The following SUPT3H variants were observed in gnomAD, a reference collection of about 807,000 sequenced individuals.
SUPT3H encodes the protein transcription initiation protein SPT3 homolog.
In SUPT3H, 44 loss-of-function variants were observed where a neutral mutation model predicts 44.3. The ratio of observed to expected loss-of-function variants is 0.99; its 90% CI spans 0.78 to 1.28. SUPT3H has a LOEUF of 1.28. SUPT3H is among the 50% of genes most tolerant of loss of function. SUPT3H has a pLI of 0.00. For synonymous variants in SUPT3H, 124 were observed against 125.6 expected (o/e 0.99, Z 0.09); for missense variants, 380 against 387.1 (o/e 0.98, Z 0.15).
chr6:44,863,833 C>T lies in SUPT3H; in HGVS notation c.913-33976G>A, dbSNP rs1775054534. Among the ~76,000 whole-genome samples, 3 of 151,990 alleles carry T rather than the reference C, an allele frequency of 2.0e-5. No homozygotes were observed. In the South Asian group the frequency reaches 6.2e-4, roughly 32 times the overall value. On this transcript the variant is annotated intron_variant, in intron 10 of 10. Transcript: ENST00000371459. ...GAGTCACGTCTCACATCGCAGCAGG[C>T]AAGAGAGAGAATAAGAGTCAAGTGG...
intron 10 of SUPT3H, among the ~76,000 whole-genome samples, chr6:44,834,047 T>C (rs1213362089): frequency 6.6e-6 from 1 of 152,140 alleles, no homozygotes; most frequent in Non-Finnish European, 1.5e-5. Flanking sequence ...CCCAAATCAC[T>C]TGGGGAGCTT....
At chr6:44,958,834 C>T (rs606553) in intron 7 of SUPT3H, among the ~76,000 whole-genome samples, 10,121 of 144,378 alleles carry the variant, frequency 0.07, 1,172 homozygotes, top group African/African-American at 0.24. Context: ...GAAAAAATGA[C>T]ATTAGGCCAA....
chr6:45,003,598 C>T, intron 6 of SUPT3H, 55 bp downstream of exon 6: 3 of 1,583,312 alleles, frequency 1.9e-6, no homozygotes, highest in South Asian at 2.3e-5. Flanking sequence ...GACCAAACAG[C>T]ATAGGCACTG....
At chr6:44,848,754 T>C (rs1471979608) in intron 10 of SUPT3H, among the ~76,000 whole-genome samples, 1 of 152,176 alleles carries the variant, frequency 6.6e-6, no homozygotes, top group African/African-American at 2.4e-5. Flanking sequence ...GCAGGGGGGA[T>C]TACTATGCCC....
intron 2 of SUPT3H, among the ~76,000 whole-genome samples, chr6:45,264,151 CTTAT>C (rs1303849982): frequency 6.6e-6 from 1 of 152,104 alleles, no homozygotes; most frequent in African/African-American, 2.4e-5. Flanking sequence ...AATGAAAACA[CTTAT>C]TTTTTAAAAA....
intron 10 of SUPT3H, among the ~76,000 whole-genome samples, chr6:44,928,894 A>T (rs796082645): frequency 0.017 from 2,293 of 135,848 alleles, 249 homozygotes; most frequent in South Asian, 0.098. Context: ...AAAAAAAAAA[A>T]AAAAAAAAAA....
intron 2 of SUPT3H, among the ~76,000 whole-genome samples, chr6:45,122,299 A>C (rs1338383352): frequency 6.6e-6 from 1 of 152,160 alleles, no homozygotes; most frequent in Non-Finnish European, 1.5e-5. Flanking sequence ...AATAATCCAT[A>C]ACAAAAAAAT....
At chr6:44,944,762 CA>C (rs57506313) in intron 9 of SUPT3H, among the ~76,000 whole-genome samples, 752 of 29,732 alleles carry the variant, frequency 0.025, 7 homozygotes, top group South Asian at 0.1. Context: ...ACCCTCTCTC[CA>C]AAAAAAAAAA....
At chr6:44,831,431 A>ATAAC (rs550456327) in intron 10 of SUPT3H, among the ~76,000 whole-genome samples, 116 of 152,300 alleles carry the variant, frequency 7.6e-4, no homozygotes, top group Non-Finnish European at 1.3e-3. Context: ...AGAGCCACAA[A>ATAAC]TAACTTGCAG....
intron 10 of SUPT3H, among the ~76,000 whole-genome samples, chr6:44,902,022 A>G (rs906326792): frequency 2.0e-4 from 31 of 152,302 alleles, no homozygotes; most frequent in Non-Finnish European, 4.0e-4. Flanking sequence ...TCCTGAAGGA[A>G]GCACTAAACA....
chr6:45,130,170 T>TATTCCCC (rs1299616572), intron 2 of SUPT3H, among the ~76,000 whole-genome samples: 1 of 152,182 alleles, frequency 6.6e-6, no homozygotes, highest in East Asian at 1.9e-4. Flanking sequence ...CATTAGCAGT[T>TATTCCCC]ATTCCCCATT....
intron 3 of SUPT3H, among the ~76,000 whole-genome samples, chr6:45,028,856 C>T (rs1346309615): frequency 7.9e-6 from 1 of 126,152 alleles, no homozygotes; most frequent in Non-Finnish European, 1.6e-5. Context: ...TGTTTATTTG[C>T]CTTTCAAAAC....
intron 2 of SUPT3H, among the ~76,000 whole-genome samples, chr6:45,236,965 G>A (rs1769285532): frequency 6.6e-6 from 1 of 152,128 alleles, no homozygotes; most frequent in Non-Finnish European, 1.5e-5. Flanking sequence ...AGTACAAACA[G>A]GAGTCATTGA....
chr6:45,295,323 T>C (rs894929939), intron 2 of SUPT3H, among the ~76,000 whole-genome samples: 1 of 151,992 alleles, frequency 6.6e-6, no homozygotes, highest in Non-Finnish European at 1.5e-5. Flanking sequence ...CATCTCTCTC[T>C]GTATACAAAA....
intron 10 of SUPT3H, among the ~76,000 whole-genome samples, chr6:44,921,275 C>T (rs1288676543): frequency 6.6e-6 from 1 of 152,214 alleles, no homozygotes; most frequent in East Asian, 1.9e-4. Context: ...ACTCAAAAAT[C>T]AAGTGCTGTC....
intron 10 of SUPT3H, among the ~76,000 whole-genome samples, chr6:44,931,223 A>C (rs1001878952): frequency 2.6e-5 from 4 of 152,204 alleles, no homozygotes; most frequent in Non-Finnish European, 5.9e-5. Context: ...TATTTCTCAA[A>C]AATCATGTTT....
intron 2 of SUPT3H, chr6:45,361,594 T>A (rs987280345): frequency 1.3e-5 from 2 of 152,138 alleles, no homozygotes; most frequent in African/African-American, 4.8e-5. Flanking sequence ...TTCAATAACC[T>A]AAAAATGAAA....
intron 4 of SUPT3H, among the ~76,000 whole-genome samples, chr6:45,018,755 T>G (rs1784681608): frequency 6.6e-6 from 1 of 152,056 alleles, no homozygotes; most frequent in Admixed American, 6.6e-5. Flanking sequence ...TTGCCAGTAT[T>G]TTATTGAGGA....
chr6:44,858,060 C>A (rs780104808), intron 10 of SUPT3H, among the ~76,000 whole-genome samples: 5 of 152,162 alleles, frequency 3.3e-5, no homozygotes, highest in Non-Finnish European at 5.9e-5. Context: ...CTTCCCTGAT[C>A]ATTAAGACAA....
Sources: allele counts gnomAD v4.1 joint callset (sites outside exome capture counted in the v4.1 genomes callset), GRCh38; gene constraint gnomAD v4.1.1; transcripts MANE v1.5; gene names NCBI Gene and HGNC (gene_info 2026-07-23, HGNC 2026-07-21).